Variants in SLC28A1 observed in about 807,000 individuals in gnomAD.
SLC28A1 encodes the protein solute carrier family 28 member 1.
In SLC28A1, 64 loss-of-function variants were observed where a neutral mutation model predicts 74.8. The observed-to-expected ratio is 0.86, with a 90% CI of 0.70 to 1.05. The LOEUF is 1.05. Among genes scored for constraint, SLC28A1 ranks in the 50% least tolerant of loss-of-function variants. The pLI is 0.00. For synonymous variants in SLC28A1, 359 were observed against 335.0 expected (o/e 1.07, Z -0.78); for missense variants, 828 against 822.8 (o/e 1.01, Z -0.08).
intron 11 of SLC28A1, among the ~76,000 whole-genome samples, chr15:84,922,058 A>G (rs1319593572): frequency 6.6e-6 from 1 of 152,144 alleles, no homozygotes; most frequent in Non-Finnish European, 1.5e-5. Context: ...ATTTCCCCCA[A>G]GAGGGAGGGA....
chr15:84,958,964 G>A, the SLC28A1 span, among the ~76,000 whole-genome samples: 1 of 151,732 alleles, frequency 6.6e-6, no homozygotes, highest in East Asian at 2.0e-4. Flanking sequence ...GCAGGGTTGA[G>A]TGGTGCACAC....
chr15:84,962,712 G>C, the SLC28A1 span, among the ~76,000 whole-genome samples: 1 of 152,174 alleles, frequency 6.6e-6, no homozygotes, highest in African/African-American at 2.4e-5. Context: ...GCCAAGGGTG[G>C]GCCTTTGAGA....
Position 84,933,198 on chromosome 15 carries a change from G to T in SLC28A1, c.1137G>T (p.Leu379Phe), listed in dbSNP as rs755625076. ...AASVMAAPCA[L>F]ALSKLVYPEV... ...CTGTGATGGCTGCCCCTTGTGCCTT[G>T]GCCCTCTCCAAGCTGGTCTACCCGG... Residue 379 changes from leucine to phenylalanine, a missense_variant, in exon 13 of 19, where the codon TTG (leucine) becomes TTT (phenylalanine). Physicochemically the swap from Leu to Phe is conservative, Grantham distance 22 (BLOSUM62 0). Around this residue, in one of 3 missense-constraint regions of SLC28A1, gnomAD observed 767 missense variants for 753.5 expected, o/e 1.02. Coordinates refer to ENST00000394573, the MANE Select transcript of SLC28A1 (RefSeq NM_004213.5). 3 of 1,613,802 alleles carry T rather than the reference G, an allele frequency of 1.9e-6. No individual in the cohort carries two copies. The highest frequency in any genetic ancestry group is 2.5e-6 in the Non-Finnish European group (3 of 1,179,886).
intron 9 of SLC28A1, among the ~76,000 whole-genome samples, chr15:84,909,521 T>C (rs940688930): frequency 1.3e-5 from 2 of 152,238 alleles, no homozygotes. Context: ...AGGATGAGGA[T>C]GCTACTGGTG....
At position 84,930,493 on chromosome 15, in the gene SLC28A1, AAAG is replaced by A. The variant is rs942625943; in HGVS notation, c.1084-2645_1084-2643del. Among the ~76,000 whole-genome samples, 76 of 152,316 alleles carry A rather than the reference AAAG, an allele frequency of 5.0e-4. 1 individual carries two copies. Among genetic ancestry groups the A allele is most frequent in the Admixed American group, 3.8e-3 (58 of 15,298 alleles). On this transcript the variant is annotated intron_variant, in intron 12 of 18. Coordinates refer to ENST00000394573, the MANE Select transcript of SLC28A1 (RefSeq NM_004213.5). ...AAAAAGAAACAACTGGGGTTTAGAA[AAAG>A]AAGAAGGACACAATACCTGGGATTC...
intron 15 of SLC28A1, among the ~76,000 whole-genome samples, chr15:84,941,361 G>C (rs865953386): frequency 1.2e-4 from 18 of 151,822 alleles, no homozygotes; most frequent in African/African-American, 4.4e-4. Flanking sequence ...ACCCGCCACT[G>C]TGCCCGGCTA....
chr15:84,911,402 G>A (rs1388801035), intron 9 of SLC28A1, among the ~76,000 whole-genome samples: 1 of 152,184 alleles, frequency 6.6e-6, no homozygotes, highest in Non-Finnish European at 1.5e-5. Context: ...CAGTGTGTTG[G>A]CCGCAATGGC....
rs111607010 is a variant in SLC28A1, at chr15:84,910,456, C to T, written c.795+1661C>T. On this transcript the variant is annotated intron_variant, in intron 9 of 18. Transcript: ENST00000394573. ...TAAAACACACACACTCAGCTGGGCG[C>T]GGTGGCTCATGCCTGTAATCCTAGC... 1.5e-3 allele frequency among the ~76,000 whole-genome samples: 229 copies of T among 152,294 alleles called. 2 individuals carry two copies. Among genetic ancestry groups the T allele is most frequent in the African/African-American group, 2.2e-3 (92 of 41,576 alleles).
Position 84,887,778 on chromosome 15 carries a change from G to T in SLC28A1, c.18G>T (p.Ser6=), listed in dbSNP as rs371730092. MENDP[S]RRRESISLTP... is the part of the protein sequence containing the mutation. The stretch of plus-strand genomic sequence containing the variant: ...TCTGGGACATGGAGAACGACCCCTC[G>T]AGACGAAGAGAGTCCATCTCTCTCA... Residue 6 remains serine (S), a synonymous_variant, in exon 3 of 19, where the codon TCG becomes TCT. Transcript: ENST00000394573. 6 of 1,613,978 alleles carry T rather than the reference G, an allele frequency of 3.7e-6. No individual in the cohort carries two copies. Among genetic ancestry groups the T allele is most frequent in the Middle Eastern group, 1.6e-4 (1 of 6,084 alleles).
intron 9 of SLC28A1, among the ~76,000 whole-genome samples, chr15:84,912,330 T>C (rs1968375530): frequency 6.6e-6 from 1 of 152,204 alleles, no homozygotes; most frequent in Non-Finnish European, 1.5e-5. Context: ...TTGGCCAGTT[T>C]CAGTCTGGGG....
chr15:84,951,837 C>A, the SLC28A1 span, among the ~76,000 whole-genome samples: 1 of 152,200 alleles, frequency 6.6e-6, no homozygotes, highest in East Asian at 1.9e-4. Context: ...AAGAGAGACT[C>A]CTGATACATA....
chr15:84,924,195 C>T, intron 12 of SLC28A1, 85 bp downstream of exon 12: 1 of 1,471,742 alleles, frequency 6.8e-7, no homozygotes, highest in Non-Finnish European at 9.4e-7. Flanking sequence ...CTGGCCAGAG[C>T]AGCCCTCAGA....
At chr15:84,962,187 G>T in the SLC28A1 span, among the ~76,000 whole-genome samples, 8 of 151,328 alleles carry the variant, frequency 5.3e-5, no homozygotes, top group African/African-American at 7.3e-5. Context: ...TGATCCTCCC[G>T]CCTAAGCCTC....
intron 13 of SLC28A1, among the ~76,000 whole-genome samples, chr15:84,934,649 A>T (rs1971675550): frequency 6.6e-6 from 1 of 152,222 alleles, no homozygotes; most frequent in Admixed American, 6.5e-5. Context: ...TGATTTTAAT[A>T]ACCGATTTTA....
chr15:84,899,768 C>G (rs1218981357), intron 6 of SLC28A1, among the ~76,000 whole-genome samples: 1 of 152,100 alleles, frequency 6.6e-6, no homozygotes, highest in African/African-American at 2.4e-5. Flanking sequence ...TGGCTCACAC[C>G]TGTAGTCCCA....
At chr15:84,949,863 A>G (rs2079358089), downstream of SLC28A1, among the ~76,000 whole-genome samples, 1 of 109,772 alleles carries the variant, frequency 9.1e-6, no homozygotes, top group South Asian at 3.7e-4. Context: ...TCTCTAGGAC[A>G]CAGCAGGAAT....
At chr15:84,957,288 A>G in the SLC28A1 span, among the ~76,000 whole-genome samples, 9 of 151,946 alleles carry the variant, frequency 5.9e-5, no homozygotes, top group African/African-American at 2.2e-4. Flanking sequence ...GTTTTTTGAG[A>G]CAGAGTCTCA....
chr15:84,906,855 A>T (rs1967331986), intron 8 of SLC28A1, among the ~76,000 whole-genome samples: 1 of 152,068 alleles, frequency 6.6e-6, no homozygotes, highest in South Asian at 2.1e-4. Context: ...AACTATCATG[A>T]TTTACTTTTG....
At position 84,935,329 on chromosome 15, in the gene SLC28A1, C is replaced by T. The variant is rs1053204399; in HGVS notation, c.1392C>T (p.Cys464=). Residue 464 remains cysteine (C), a synonymous_variant, in exon 15 of 19, where the codon TGC becomes TGT. Coordinates refer to ENST00000394573, the MANE Select transcript of SLC28A1 (RefSeq NM_004213.5). ...TACCGTTGTGCCCTCAGCTCATCTGCTCCTACATCCTGCGGCCTGTAGCCT... is the reference window on the plus strand; with the variant it reads ...TACCGTTGTGCCCTCAGCTCATCTGTTCCTACATCCTGCGGCCTGTAGCCT... The part of the protein sequence containing the change: ...DIQGLSFQLI[C]SYILRPVAFL... The T allele has an allele frequency of 3.1e-6, 5 of 1,614,082 alleles. No individual in the cohort carries two copies. The highest frequency in any genetic ancestry group is 1.7e-5 in the Admixed American group (1 of 60,002).
Sources: allele counts gnomAD v4.1 joint callset (sites outside exome capture counted in the v4.1 genomes callset), GRCh38; gene constraint gnomAD v4.1.1; regional missense constraint gnomAD v4.1.1; transcripts MANE v1.5; gene names NCBI Gene and HGNC (gene_info 2026-07-23, HGNC 2026-07-21).